Variants in CDK8 observed in about 807,000 individuals in gnomAD.
The protein encoded by CDK8 is cyclin-dependent kinase 8.
CDK8 carries 29 observed loss-of-function variants against 71.5 expected under a neutral mutation model. That is an observed-to-expected ratio of 0.41 (90% CI 0.30 to 0.55). The LOEUF is 0.55. CDK8 is among the 20% of genes least tolerant of loss of function. The pLI is 0.37. For missense variants in CDK8, 288 were observed against 572.6 expected (o/e 0.50, Z 5.07); for synonymous variants, 161 against 192.1 (o/e 0.84, Z 1.34).
At chr13:26,309,428 C>G (rs139348891) in intron 1 of CDK8, among the ~76,000 whole-genome samples, 2 of 152,052 alleles carry the variant, frequency 1.3e-5, no homozygotes, top group African/African-American at 2.4e-5. Flanking sequence ...CATGAGCCAT[C>G]ACACCTGGCC....
At chr13:26,373,068 C>G (rs1874765719) in intron 4 of CDK8, among the ~76,000 whole-genome samples, 1 of 152,136 alleles carries the variant, frequency 6.6e-6, no homozygotes, top group Non-Finnish European at 1.5e-5. Flanking sequence ...GTTCTTCTGT[C>G]CACACCTGCT....
At chr13:26,293,705 ATTG>A (rs1873410617) in intron 1 of CDK8, among the ~76,000 whole-genome samples, 1 of 152,016 alleles carries the variant, frequency 6.6e-6, no homozygotes, top group East Asian at 1.9e-4. Flanking sequence ...ATTGATAAAT[ATTG>A]TATATATTTA....
chr13:26,269,036 T>G (rs1872172145), intron 1 of CDK8, among the ~76,000 whole-genome samples: 1 of 152,204 alleles, frequency 6.6e-6, no homozygotes, highest in Admixed American at 6.5e-5. Flanking sequence ...CCTTTCTCAG[T>G]TGCGTTCACT....
At chr13:26,366,090 A>G (rs1874374756) in intron 4 of CDK8, among the ~76,000 whole-genome samples, 1 of 152,152 alleles carries the variant, frequency 6.6e-6, no homozygotes, top group African/African-American at 2.4e-5. Context: ...TTAAAGATGG[A>G]CTATATTAGA....
intron 1 of CDK8, among the ~76,000 whole-genome samples, chr13:26,328,577 A>G (rs961326324): frequency 3.3e-5 from 5 of 152,216 alleles, no homozygotes; most frequent in Non-Finnish European, 7.4e-5. Flanking sequence ...CTAGCTTGCA[A>G]AACTCATTTT....
chr13:26,269,517 C>T (rs1007222862), intron 1 of CDK8, among the ~76,000 whole-genome samples: 2 of 151,858 alleles, frequency 1.3e-5, no homozygotes, highest in African/African-American at 4.8e-5. Flanking sequence ...TAGCACATAC[C>T]TCTCTTACTT....
chr13:26,378,232 CT>C (rs1319639510), intron 4 of CDK8, among the ~76,000 whole-genome samples: 1 of 152,126 alleles, frequency 6.6e-6, no homozygotes, highest in Non-Finnish European at 1.5e-5. Flanking sequence ...CAAGATAGAG[CT>C]TTTTGAATTC....
At position 26,356,243 on chromosome 13, in the gene CDK8, T is replaced by C. The variant is rs566256146; in HGVS notation, c.456+2363T>C. Among the ~76,000 whole-genome samples, 19 of 152,336 alleles carry C rather than the reference T, an allele frequency of 1.2e-4. No homozygotes were observed. In the South Asian group the frequency reaches 3.7e-3, roughly 30 times the overall value. The stretch of plus-strand genomic sequence containing the variant: ...ATTAAAAGTTAGTTGCTTTTTATTG[T>C]CACTATATGCTGGCAATTCTGAACA... On this transcript the variant is annotated intron_variant, in intron 4 of 12. Coordinates refer to ENST00000381527, the MANE Select transcript of CDK8 (RefSeq NM_001260.3).
chr13:26,265,630 T>TG (rs1399229978), intron 1 of CDK8, among the ~76,000 whole-genome samples: 1 of 152,124 alleles, frequency 6.6e-6, no homozygotes, highest in Non-Finnish European at 1.5e-5. Flanking sequence ...TTGTGTATTA[T>TG]GGGGGGAAGC....
At chr13:26,396,255 A>G (rs781678463) in intron 7 of CDK8, 30 bp from the exon 8 acceptor site, 1 of 956,644 alleles carries the variant, frequency 1.0e-6, no homozygotes, top group Non-Finnish European at 1.5e-6. Context: ...GAACTTAGGC[A>G]ACATAAAAAT....
At chr13:26,258,492 G>GGTGTGTGTGTGTGT (rs56993639) in intron 1 of CDK8, among the ~76,000 whole-genome samples, 2 of 147,424 alleles carry the variant, frequency 1.4e-5, no homozygotes, top group Non-Finnish European at 3.0e-5. Flanking sequence ...TATCTAGAGG[G>GGTGTGTGTGTGTGT]GTGTGTGTGT....
chr13:26,343,847 A>T (rs1408060742), intron 2 of CDK8, among the ~76,000 whole-genome samples: 2 of 152,250 alleles, frequency 1.3e-5, no homozygotes, highest in Non-Finnish European at 2.9e-5. Context: ...CTGTACAAAA[A>T]ATTTGTATTC....
chr13:26,289,646 G>C (rs930938728), intron 1 of CDK8, among the ~76,000 whole-genome samples: 5 of 151,996 alleles, frequency 3.3e-5, no homozygotes, highest in South Asian at 2.1e-4. Flanking sequence ...CGCCTCCCGG[G>C]TTCACGCCAT....
intron 4 of CDK8, among the ~76,000 whole-genome samples, chr13:26,354,444 A>G (rs1873808055): frequency 6.6e-6 from 1 of 152,164 alleles, no homozygotes; most frequent in Non-Finnish European, 1.5e-5. Context: ...TTTACGTTGC[A>G]AAGTCATTTA....
chr13:26,348,397 C>T (rs1873548938), intron 2 of CDK8, among the ~76,000 whole-genome samples: 1 of 152,166 alleles, frequency 6.6e-6, no homozygotes, highest in African/African-American at 2.4e-5. Context: ...GCTCTGCCTC[C>T]TGTCAGATTA....
In CDK8 at chr13:26,270,137, C is replaced by T. The variant is rs375634522; in HGVS notation, c.128+15368C>T. Among the ~76,000 whole-genome samples, 26 of 152,020 alleles carry T rather than the reference C, an allele frequency of 1.7e-4. 1 individual carries two copies. In the East Asian group the frequency reaches 4.5e-3, roughly 26 times the overall value. ...AGGTGTGGTGGCTCACTCTTGTAAT[C>T]CCAGCACTTTGGGAGGCCGAGGCAG... On this transcript the variant is annotated intron_variant, in intron 1 of 12. Transcript: ENST00000381527.
At chr13:26,399,863 G>A (rs544108275) in intron 9 of CDK8, among the ~76,000 whole-genome samples, 13 of 152,204 alleles carry the variant, frequency 8.5e-5, no homozygotes, top group Non-Finnish European at 1.8e-4. Flanking sequence ...GACTTTCAGA[G>A]TCTCTGCTCA....
At chr13:26,316,358 G>A (rs1244627828) in intron 1 of CDK8, among the ~76,000 whole-genome samples, 1 of 151,956 alleles carries the variant, frequency 6.6e-6, no homozygotes, top group East Asian at 1.9e-4. Flanking sequence ...AGACCCTGTC[G>A]CAACAACAAC....
At position 26,401,641 on chromosome 13, in the gene CDK8, T is replaced by G. The variant is rs1344886167; in HGVS notation, c.1269+17T>G. ...GACTATCAGGTATTCCAAGTTTATT[T>G]TGTATTGACTGCATGTCAGTGTTTA... On this transcript the variant is annotated intron_variant, in intron 12 of 12. Transcript: ENST00000381527. The surrounding 1 kb of genome is among the most constrained non-coding windows in gnomAD (Gnocchi z 4.5). 6.2e-7 allele frequency: 1 copy of G among 1,612,962 alleles called. No individual in the cohort carries two copies. The highest frequency in any genetic ancestry group is 1.7e-5 in the Admixed American group (1 of 60,004).
Sources: gnomAD v4.1 joint callset for allele counts (sites outside exome capture counted in the v4.1 genomes callset) on GRCh38, gnomAD v4.1.1 for gene constraint, Gnocchi (gnomAD v3.1) non-coding constraint, MANE v1.5 for transcripts, NCBI Gene and HGNC (gene_info 2026-07-23, HGNC 2026-07-21) for gene names.